The following CAMK1D variants were observed in gnomAD, a reference collection of about 807,000 sequenced individuals.
The protein encoded by CAMK1D is calcium/calmodulin-dependent protein kinase type 1D.
In CAMK1D, 9 loss-of-function variants were observed where a neutral mutation model predicts 47.7. That is an observed-to-expected ratio of 0.19 (90% CI 0.11 to 0.33). CAMK1D has a LOEUF of 0.33. CAMK1D is among the 10% of genes least tolerant of loss of function. The probability of loss-of-function intolerance (pLI) is 1.00; values close to 1 mark genes in which losing one functional copy is unlikely to be tolerated. For missense variants in CAMK1D, 291 were observed against 488.7 expected (o/e 0.60, Z 3.81); for synonymous variants, 184 against 184.9 (o/e 0.99, Z 0.04).
chr10:12,646,302 G>A (rs1048620755), intron 2 of CAMK1D, among the ~76,000 whole-genome samples: 2 of 152,074 alleles, frequency 1.3e-5, no homozygotes, highest in African/African-American at 2.4e-5. Flanking sequence ...AAAGAGAACC[G>A]TCTCTGAGCA....
intron 3 of CAMK1D, among the ~76,000 whole-genome samples, chr10:12,698,563 A>G (rs976232037): frequency 3.3e-5 from 5 of 152,102 alleles, no homozygotes; most frequent in Non-Finnish European, 5.9e-5. Context: ...GTAAGTGCTG[A>G]TAGCAACCAT....
At chr10:12,360,697 C>T (rs977245129) in intron 1 of CAMK1D, among the ~76,000 whole-genome samples, 2 of 152,016 alleles carry the variant, frequency 1.3e-5, no homozygotes, top group African/African-American at 2.4e-5. Context: ...TCAAATGGGT[C>T]GCAAACTGGG....
At chr10:12,560,382 G>A (rs1483043353) in intron 2 of CAMK1D, among the ~76,000 whole-genome samples, 3 of 151,772 alleles carry the variant, frequency 2.0e-5, no homozygotes, top group Non-Finnish European at 2.9e-5. Flanking sequence ...GTGAAACCCC[G>A]TCTCTACCAA....
chr10:12,656,627 AAAC>A (rs1840123370), intron 2 of CAMK1D, among the ~76,000 whole-genome samples: 1 of 152,266 alleles, frequency 6.6e-6, no homozygotes, highest in Non-Finnish European at 1.5e-5. Flanking sequence ...AATCTTTAAA[AAAC>A]AACAACAAAA....
At chr10:12,477,989 CTTTTCTTTTTTTCT>C (rs1833950502) in intron 1 of CAMK1D, among the ~76,000 whole-genome samples, 1 of 147,796 alleles carries the variant, frequency 6.8e-6, no homozygotes, top group Non-Finnish European at 1.5e-5. Context: ...TTTATATCAC[CTTTTCTTTTTTTCT>C]TTTTCTTTTT....
chr10:12,359,888 A>C (rs1323409251), intron 1 of CAMK1D, among the ~76,000 whole-genome samples: 1 of 152,224 alleles, frequency 6.6e-6, no homozygotes, highest in Admixed American at 6.5e-5. Context: ...ATTTATTTAA[A>C]ATACCCTTTT....
intron 6 of CAMK1D, among the ~76,000 whole-genome samples, chr10:12,803,898 C>T (rs1838596983): frequency 6.6e-6 from 1 of 152,194 alleles, no homozygotes; most frequent in African/African-American, 2.4e-5. Context: ...ACATACTTTT[C>T]AGCTTCTGAT....
chr10:12,667,306 C>T (rs1056450576), intron 3 of CAMK1D, among the ~76,000 whole-genome samples: 15 of 152,200 alleles, frequency 9.9e-5, no homozygotes, highest in African/African-American at 2.7e-4. Context: ...AAAGGGAATT[C>T]GTGCCAGACA....
intron 1 of CAMK1D, among the ~76,000 whole-genome samples, chr10:12,373,504 T>C (rs2859758): frequency 0.99 from 150,588 of 151,558 alleles, 74,824 homozygotes; most frequent in Middle Eastern, 1. Context: ...TAGTGGTGGG[T>C]GCCTGTAATC....
intron 1 of CAMK1D, among the ~76,000 whole-genome samples, chr10:12,536,246 G>A (rs996269107): frequency 6.6e-6 from 1 of 151,136 alleles, no homozygotes; most frequent in African/African-American, 2.4e-5. Context: ...AAAAAAAAAA[G>A]TTATGGATCT....
chr10:12,749,561 TGTTTG>T (rs1467282721), intron 3 of CAMK1D, among the ~76,000 whole-genome samples: 1 of 106,766 alleles, frequency 9.4e-6, no homozygotes, highest in African/African-American at 3.4e-5. Flanking sequence ...TTTGTTTGTT[TGTTTG>T]TTTGTTTGTT....
intron 1 of CAMK1D, among the ~76,000 whole-genome samples, chr10:12,408,263 G>A (rs943965589): frequency 1.3e-5 from 2 of 151,926 alleles, no homozygotes; most frequent in Non-Finnish European, 2.9e-5. Flanking sequence ...CCGGGCTCAC[G>A]CCATACTCCT....
intron 2 of CAMK1D, among the ~76,000 whole-genome samples, chr10:12,638,385 A>G (rs1839572856): frequency 6.6e-6 from 1 of 152,072 alleles, no homozygotes; most frequent in South Asian, 2.1e-4. Context: ...CCATCCTTTT[A>G]TAATCATACC....
intron 4 of CAMK1D, among the ~76,000 whole-genome samples, chr10:12,765,732 G>A (rs1836724765): frequency 6.6e-6 from 1 of 152,162 alleles, no homozygotes; most frequent in Non-Finnish European, 1.5e-5. Flanking sequence ...GTGAAAGAAA[G>A]AGAAGAGCTC....
intron 1 of CAMK1D, among the ~76,000 whole-genome samples, chr10:12,512,249 C>T (rs1056975362): frequency 1.3e-5 from 2 of 152,154 alleles, no homozygotes; most frequent in Non-Finnish European, 2.9e-5. Flanking sequence ...CTGGAATAAA[C>T]GGAGCTGTGC....
intron 4 of CAMK1D, among the ~76,000 whole-genome samples, chr10:12,761,885 A>G (rs1836525191): frequency 6.6e-6 from 1 of 152,142 alleles, no homozygotes; most frequent in South Asian, 2.1e-4. Context: ...ACTCCGTCTC[A>G]AAAAAAATAA....
intron 3 of CAMK1D, among the ~76,000 whole-genome samples, chr10:12,734,375 TATAG>T (rs1475531458): frequency 3.6e-4 from 14 of 38,970 alleles, no homozygotes; most frequent in South Asian, 3.0e-3. Context: ...TATATATATA[TATAG>T]ATATAGATAT....
intron 1 of CAMK1D, among the ~76,000 whole-genome samples, chr10:12,410,862 T>C (rs146253504): frequency 6.6e-6 from 1 of 152,336 alleles, no homozygotes; most frequent in East Asian, 1.9e-4. Flanking sequence ...TGATTAATTT[T>C]AGGCAATCTC....
intron 3 of CAMK1D, among the ~76,000 whole-genome samples, chr10:12,729,756 A>T (rs752846181): frequency 2.6e-5 from 4 of 152,196 alleles, no homozygotes; most frequent in Non-Finnish European, 5.9e-5. Flanking sequence ...ACATGGGTAG[A>T]GGTTGCAGAT....
Sources: allele counts gnomAD v4.1 joint callset (sites outside exome capture counted in the v4.1 genomes callset), GRCh38; gene constraint gnomAD v4.1.1; transcripts MANE v1.5; gene names NCBI Gene and HGNC (gene_info 2026-07-23, HGNC 2026-07-21).